The following GALR1 variants were observed in gnomAD, a reference collection of about 807,000 sequenced individuals.
GALR1 encodes galanin receptor type 1.
Under a neutral mutation model 17.9 loss-of-function variants are expected in GALR1, and 11 were observed. The ratio of observed to expected loss-of-function variants is 0.62; its 90% CI spans 0.39 to 1.02. The LOEUF (loss-of-function observed/expected upper bound fraction) is 1.02, where lower values mean the gene tolerates loss of function less well. Ranked by LOEUF, GALR1 falls within the 50% of genes least tolerant of loss-of-function variation. The probability of loss-of-function intolerance (pLI) is 0.01; values close to 1 mark genes in which losing one functional copy is unlikely to be tolerated. For missense variants in GALR1, 441 were observed against 456.9 expected (o/e 0.97, Z 0.32); for synonymous variants, 206 against 205.7 (o/e 1.00, Z -0.01).
chr18:77,250,237 C>T lies in GALR1; in HGVS notation c.-312C>T, dbSNP rs963820687. On this transcript the variant is annotated 5_prime_UTR_variant, in exon 1 of 3. Transcript: ENST00000299727. ...CCGGCGGATCCCTCTTCCCAGGCTC[C>T]GTGGTCGCGCAGCGGGCGGAGGCGC... 5.3e-5 allele frequency among the ~76,000 whole-genome samples: 8 copies of T among 152,226 alleles called. No individual in the cohort carries two copies. Among genetic ancestry groups the T allele is most frequent in the African/African-American group, 1.9e-4 (8 of 41,558 alleles).
At position 77,270,736 on chromosome 18, in the gene GALR1, G is replaced by T. The variant is rs148108945; in HGVS notation, c.*1834G>T. On this transcript the variant is annotated 3_prime_UTR_variant, in exon 3 of 3. Coordinates refer to ENST00000299727, the MANE Select transcript of GALR1 (RefSeq NM_001480.4). ...TTGCAATGTTATTAATAACTCTCTGGATAAAAGGAAAGAAAAACGTTAGAA... is the reference window on the plus strand; with the variant it reads ...TTGCAATGTTATTAATAACTCTCTGTATAAAAGGAAAGAAAAACGTTAGAA... 1 of 152,138 alleles carries T rather than the reference G, an allele frequency of 6.6e-6. No homozygotes were observed. The highest frequency in any genetic ancestry group is 2.4e-5 in the African/African-American group (1 of 41,504). The allele number at this position is 152,138 out of a possible 1,614,324, so 9.4% of individuals were successfully genotyped here. A position where few individuals can be genotyped will look rare whatever the true frequency, so the allele number is the denominator to read the frequency against.
At position 77,250,481 on chromosome 18, in the gene GALR1, C is replaced by G; in HGVS notation, c.-68C>G. The G allele has an allele frequency of 3.6e-6, 5 of 1,398,136 alleles. No homozygotes were observed. Among genetic ancestry groups the G allele is most frequent in the Non-Finnish European group, 3.7e-6 (4 of 1,083,004 alleles). 86.6% of individuals were successfully genotyped at this position (1,398,136 alleles called of 1,614,324 possible). ...CTTTGCGCCGGGACCCCTGGCCACC[C>G]CCGGCGCCTACTATCCCGCCCTCCC... On this transcript the variant is annotated 5_prime_UTR_variant, in exon 1 of 3. Coordinates refer to ENST00000299727, the MANE Select transcript of GALR1 (RefSeq NM_001480.4).
At position 77,270,673 on chromosome 18, in the gene GALR1, A is replaced by G. The variant is rs1913045838; in HGVS notation, c.*1771A>G. The G allele has an allele frequency of 1.3e-5, 2 of 152,086 alleles. No individual in the cohort carries two copies. Among genetic ancestry groups the G allele is most frequent in the Admixed American group, 1.3e-4 (2 of 15,268 alleles). The allele number at this position is 152,086 out of a possible 1,614,324, so 9.4% of individuals were successfully genotyped here. A position where few individuals can be genotyped will look rare whatever the true frequency, so the allele number is the denominator to read the frequency against. The stretch of plus-strand genomic sequence containing the variant: ...GCTAATTTTTTTAGCTCATTCACTT[A>G]CTTTCACTAATCATATTTCAGTGAC... On this transcript the variant is annotated 3_prime_UTR_variant, in exon 3 of 3. Transcript: ENST00000299727.
rs529841406 is a variant in GALR1, at chr18:77,252,203, A to G, written c.666+989A>G. On this transcript the variant is annotated intron_variant, in intron 1 of 2. Coordinates refer to ENST00000299727, the MANE Select transcript of GALR1 (RefSeq NM_001480.4). ...CTGATCAAAACGTCTTCAGCCTTTG[A>G]CATACGTGTTTTTATTTGCGTAAAC... Among the ~76,000 whole-genome samples the G allele has an allele frequency of 2.0e-5, 3 of 152,346 alleles. No homozygotes were observed. In the South Asian group the frequency reaches 6.2e-4, roughly 32 times the overall value.
rs1371202651 is a variant in GALR1, at chr18:77,276,658, A to C, written c.*7756A>C. On this transcript the variant is annotated 3_prime_UTR_variant, in exon 3 of 3. Transcript: ENST00000299727. ...GTGAAGGTGGAGTCCAGGCTTTTTA[A>C]AACAGTGTCTGTATTTTCAGAGCAG... The C allele has an allele frequency of 6.6e-6, 1 of 152,224 alleles. No individual in the cohort carries two copies. 9.4% of individuals were successfully genotyped at this position (152,224 alleles called of 1,614,324 possible). A position where few individuals can be genotyped will look rare whatever the true frequency, so the allele number is the denominator to read the frequency against.
rs1372464107 is a variant in GALR1 at position 77,274,496 on chromosome 18, A to G, written c.*5594A>G. 1 of 152,258 alleles carries G rather than the reference A, an allele frequency of 6.6e-6. No individual in the cohort carries two copies. The highest frequency in any genetic ancestry group is 1.5e-5 in the Non-Finnish European group (1 of 68,116). The allele number at this position is 152,258 out of a possible 1,614,324, so 9.4% of individuals were successfully genotyped here. A position where few individuals can be genotyped will look rare whatever the true frequency, so the allele number is the denominator to read the frequency against. On this transcript the variant is annotated 3_prime_UTR_variant, in exon 3 of 3. Coordinates refer to ENST00000299727, the MANE Select transcript of GALR1 (RefSeq NM_001480.4). ...TGACGTGTAAGGCCTTCAGTATATA[A>G]TGGACTTGTGCCAAGTACCTAAGGG... is the stretch of plus-strand genomic sequence containing the variant.
chr18:77,251,422 T>C (rs78065121), intron 1 of GALR1, among the ~76,000 whole-genome samples: 3,743 of 152,362 alleles, frequency 0.025, 70 homozygotes, highest in East Asian at 0.067. Context: ...AGAAAGTTAC[T>C]TGGAGTCTGA....
chr18:77,258,700 TCA>T (rs1257637931), intron 2 of GALR1, among the ~76,000 whole-genome samples: 5 of 8,290 alleles, frequency 6.0e-4, no homozygotes, highest in Admixed American at 1.6e-3. Flanking sequence ...GTGGTGGTGG[TCA>T]TGTGATGGTG....
intron 2 of GALR1, among the ~76,000 whole-genome samples, chr18:77,259,651 G>A (rs1350698999): frequency 6.7e-6 from 1 of 149,264 alleles, no homozygotes; most frequent in Non-Finnish European, 1.5e-5. Context: ...TGACAGTGGT[G>A]GCAGTGGTGG....
At position 77,250,778 on chromosome 18, in the gene GALR1, T is replaced by G. The variant is rs746743654; in HGVS notation, c.230T>G (p.Leu77Arg). The part of the protein sequence containing the change: ...RSTTNLFILN[L>R]SIADLAYLLF... Reference sequence around the variant, plus strand: ...ACCACCAACCTGTTCATCCTCAACCTGAGCATCGCCGACCTGGCCTACCTG... The same window carrying G: ...ACCACCAACCTGTTCATCCTCAACCGGAGCATCGCCGACCTGGCCTACCTG... Residue 77 changes from leucine to arginine, a missense_variant, in exon 1 of 3, where the codon CTG becomes CGG. Coordinates refer to ENST00000299727, the MANE Select transcript of GALR1 (RefSeq NM_001480.4). 2 of 1,613,974 alleles carry G rather than the reference T, an allele frequency of 1.2e-6. No homozygotes were observed. The highest frequency in any genetic ancestry group is 2.7e-5 in the African/African-American group (2 of 75,054).
chr18:77,259,580 A>ATGG (rs1233994143), intron 2 of GALR1, among the ~76,000 whole-genome samples: 1 of 141,278 alleles, frequency 7.1e-6, no homozygotes, highest in Non-Finnish European at 1.5e-5. Context: ...CATGGCAGTG[A>ATGG]TGGTGATGGT....
rs1245914345 is a variant in GALR1 at position 77,258,788 on chromosome 18, G to A, written c.732+2565G>A. On this transcript the variant is annotated intron_variant, in intron 2 of 2. Coordinates refer to ENST00000299727, the MANE Select transcript of GALR1 (RefSeq NM_001480.4). ...AATTGTGATAGTGATGGTGGTGGTG[G>A]TGGTGGTGATGGTGGTGGTGGTCAT... Among the ~76,000 whole-genome samples the A allele has an allele frequency of 4.4e-4, 58 of 130,858 alleles. 1 individual carries two copies. The highest frequency in any genetic ancestry group is 1.2e-3 in the African/African-American group (41 of 34,278). The allele number at this position is 130,858 out of a possible 152,430, so 85.8% of individuals were successfully genotyped here.
At chr18:77,254,933 G>A (rs977787540) in intron 1 of GALR1, among the ~76,000 whole-genome samples, 1 of 152,176 alleles carries the variant, frequency 6.6e-6, no homozygotes, top group Non-Finnish European at 1.5e-5. Flanking sequence ...CCCTGGGGTG[G>A]CTGCTTGTTC....
Position 77,251,133 on chromosome 18 carries a change from C to A in GALR1, c.585C>A (p.Arg195=). 6.2e-7 allele frequency: 1 copy of A among 1,613,136 alleles called. No homozygotes were observed. The highest frequency in any genetic ancestry group is 8.5e-7 in the Non-Finnish European group (1 of 1,179,942). The change falls in exon 1 of 3, where the codon CGC becomes CGA. Residue 195 remains arginine (R), a synonymous_variant. Transcript: ENST00000299727. ...TFCWEQWPDP[R]HKKAYVVCTF... The stretch of plus-strand genomic sequence containing the variant: ...GCTGGGAGCAGTGGCCCGACCCTCG[C>A]CACAAGAAGGCCTACGTGGTGTGCA...
chr18:77,260,618 G>A (rs1013988204), intron 2 of GALR1, among the ~76,000 whole-genome samples: 2 of 152,200 alleles, frequency 1.3e-5, no homozygotes, highest in African/African-American at 4.8e-5. Context: ...CCTGTTGAGA[G>A]TTATAATTAT....
chr18:77,254,394 C>T (rs1912540185), intron 1 of GALR1, among the ~76,000 whole-genome samples: 1 of 152,188 alleles, frequency 6.6e-6, no homozygotes, highest in Non-Finnish European at 1.5e-5. Flanking sequence ...CAGCATTCAA[C>T]ATTCTTGGGT....
In GALR1 at chr18:77,270,378, G is replaced by A. The variant is rs1489790894; in HGVS notation, c.*1476G>A. On this transcript the variant is annotated 3_prime_UTR_variant, in exon 3 of 3. Coordinates refer to ENST00000299727, the MANE Select transcript of GALR1 (RefSeq NM_001480.4). ...AAAAATACAAAAATTAGCTGGGTGT[G>A]GTGGCGCACGCCTGTAGTTTCAGCT... 3 of 152,282 alleles carry A rather than the reference G, an allele frequency of 2.0e-5. No homozygotes were observed. The highest frequency in any genetic ancestry group is 4.4e-5 in the Non-Finnish European group (3 of 68,118). 9.4% of individuals were successfully genotyped at this position (152,282 alleles called of 1,614,324 possible).
At chr18:77,266,762 A>G (rs1408253608) in intron 2 of GALR1, among the ~76,000 whole-genome samples, 1 of 152,164 alleles carries the variant, frequency 6.6e-6, no homozygotes, top group Admixed American at 6.5e-5. Context: ...AAACCATCAG[A>G]TCTCCTGAGA....
At chr18:77,252,914 C>CCATCACCACCACCACCAT (rs1912473045) in intron 1 of GALR1, among the ~76,000 whole-genome samples, 3 of 37,438 alleles carry the variant, frequency 8.0e-5, no homozygotes, top group Admixed American at 2.5e-4. Context: ...ACCACCACCA[C>CCATCACCACCACCACCAT]CACCACCATC....
Sources: allele counts gnomAD v4.1 joint callset (sites outside exome capture counted in the v4.1 genomes callset), GRCh38; gene constraint gnomAD v4.1.1; transcripts MANE v1.5; gene names NCBI Gene and HGNC (gene_info 2026-07-23, HGNC 2026-07-21).